The following PRH1 variants were observed in gnomAD, a reference collection of about 807,000 sequenced individuals.
The protein encoded by PRH1 is proline rich protein HaeIII subfamily 1, also known as salivary acidic proline-rich phosphoprotein 1/2.
A neutral mutation model predicts 7.9 loss-of-function variants in PRH1; 7 were observed. That is an observed-to-expected ratio of 0.89 (90% CI 0.50 to 1.67). The LOEUF (loss-of-function observed/expected upper bound fraction) is 1.67. Ranked by LOEUF, PRH1 falls within the 40% of genes most tolerant of loss-of-function variation. The pLI is 0.00. For missense variants in PRH1, 109 were observed against 223.6 expected, an observed-to-expected ratio of 0.49 and a Z score of 3.27; for synonymous variants, 45 against 80.8, an observed-to-expected ratio of 0.56 and a Z score of 2.38.
chr12:11,030,953 A>C lies in PRH1; in HGVS notation c.-126+16067T>G, dbSNP rs770193456. ...AGGCCCCAACAGCATCACCAGAATGACACTCTTAACTCTCCTCTTTAAGTG... is the reference window on the plus strand; with the variant it reads ...AGGCCCCAACAGCATCACCAGAATGCCACTCTTAACTCTCCTCTTTAAGTG... On this transcript the variant is annotated intron_variant, in intron 1 of 3. Coordinates refer to the PRH1 transcript ENST00000539853. The C allele has an allele frequency of 1.5e-5, 24 of 1,614,296 alleles. No homozygotes were observed. The South Asian group carries it at 2.6e-4, about 18-fold the overall frequency.
At chr12:10,963,434 A>G (rs898157278) in intron 2 of PRH1, among the ~76,000 whole-genome samples, 2 of 152,240 alleles carry the variant, frequency 1.3e-5, no homozygotes, top group African/African-American at 4.8e-5. Flanking sequence ...TACTATTTTT[A>G]CATGGAGTAT....
chr12:11,166,580 GCCTGTCC>G (rs1305118051), intron 1 of PRH1, among the ~76,000 whole-genome samples: 2 of 152,132 alleles, frequency 1.3e-5, no homozygotes, highest in African/African-American at 4.8e-5. Context: ...TAGTTTTCTT[GCCTGTCC>G]CCTAGCACTG....
intron 2 of PRH1, among the ~76,000 whole-genome samples, chr12:10,905,612 G>A (rs912545568): frequency 2.6e-5 from 4 of 152,048 alleles, no homozygotes; most frequent in Non-Finnish European, 2.9e-5. Context: ...GCAGCAGTGA[G>A]CTGAGATCAT....
At chr12:10,924,590 T>C (rs1183131485) in intron 2 of PRH1, among the ~76,000 whole-genome samples, 1 of 152,230 alleles carries the variant, frequency 6.6e-6, no homozygotes, top group African/African-American at 2.4e-5. Context: ...CAGCTCCTCC[T>C]TGTAACTCTG....
At chr12:11,070,776 GGT>G (rs1944029376) in intron 1 of PRH1, among the ~76,000 whole-genome samples, 1 of 151,496 alleles carries the variant, frequency 6.6e-6, no homozygotes, top group Admixed American at 6.6e-5. Context: ...AAGACACTGT[GGT>G]CCATGAGATG....
chr12:11,166,638 T>C (rs1947592757), intron 1 of PRH1, among the ~76,000 whole-genome samples: 1 of 152,234 alleles, frequency 6.6e-6, no homozygotes, highest in African/African-American at 2.4e-5. Context: ...CCAGTGTAAA[T>C]GGGCTTCTCC....
intron 1 of PRH1, among the ~76,000 whole-genome samples, chr12:10,981,365 ATTTTTTTTTTTT>A (rs528019045): frequency 1.8e-5 from 2 of 111,590 alleles, no homozygotes; most frequent in African/African-American, 3.4e-5. Flanking sequence ...TTACTTCTGG[ATTTTTTTTTTTT>A]TTTTTTTTTT....
intron 1 of PRH1, among the ~76,000 whole-genome samples, chr12:10,988,243 T>C (rs1358344610): frequency 6.6e-6 from 1 of 152,134 alleles, no homozygotes; most frequent in African/African-American, 2.4e-5. Context: ...AGGGTTTCTC[T>C]AGTAGAAAAA....
In PRH1 at chr12:11,087,648, C is replaced by G. The variant is rs1291846791; in HGVS notation, n.124-40460G>C. Among the ~76,000 whole-genome samples the G allele has an allele frequency of 2.6e-5, 3 of 117,018 alleles. 1 individual carries two copies. Among genetic ancestry groups the G allele is most frequent in the African/African-American group, 8.6e-5 (3 of 34,898 alleles). The allele number at this position is 117,018 out of a possible 152,430, so 76.8% of individuals were successfully genotyped here. ...ATGTACAAAATATAATAACCGCATT[C>G]CCTAAGGAATGGAACTGGTCACTGC... On this transcript the variant is annotated intron_variant and non_coding_transcript_variant, in intron 1 of 4. Transcript: ENST00000541977.
intron 1 of PRH1, among the ~76,000 whole-genome samples, chr12:11,135,045 C>T (rs2597923): frequency 0.46 from 69,181 of 151,874 alleles, 16,557 homozygotes; most frequent in Non-Finnish European, 0.53. Flanking sequence ...TTTCAGCCCA[C>T]GAATAATGTT....
chr12:10,958,561 C>G (rs953561257), intron 2 of PRH1, among the ~76,000 whole-genome samples: 13 of 151,000 alleles, frequency 8.6e-5, no homozygotes, highest in Non-Finnish European at 4.4e-5. Flanking sequence ...AAAATAAAAG[C>G]TAAAAAAAGA....
At chr12:11,127,161 C>G (rs1946160456) in intron 1 of PRH1, among the ~76,000 whole-genome samples, 1 of 152,274 alleles carries the variant, frequency 6.6e-6, no homozygotes, top group Admixed American at 6.5e-5. Flanking sequence ...GGATAATTTC[C>G]AAAACAGCTC....
At chr12:10,979,540 C>T (rs1308130309) in intron 1 of PRH1, among the ~76,000 whole-genome samples, 5 of 152,110 alleles carry the variant, frequency 3.3e-5, no homozygotes, top group Non-Finnish European at 7.4e-5. Flanking sequence ...TATAGGACTT[C>T]GTAAGGATTT....
chr12:10,905,014 T>TAAAAAA (rs35998107), intron 2 of PRH1, among the ~76,000 whole-genome samples: 1 of 146,422 alleles, frequency 6.8e-6, no homozygotes, highest in Non-Finnish European at 1.5e-5. Context: ...ATCAAAAAGT[T>TAAAAAA]AAAAAAAAAA....
At chr12:11,153,413 T>G (rs574748603) in intron 1 of PRH1, among the ~76,000 whole-genome samples, 16 of 152,332 alleles carry the variant, frequency 1.1e-4, no homozygotes, top group Middle Eastern at 6.8e-3. Context: ...ACTTCACAAC[T>G]TCCTGTGTTA....
chr12:10,900,746 G>A (rs1236621765), intron 2 of PRH1, among the ~76,000 whole-genome samples: 2 of 152,170 alleles, frequency 1.3e-5, no homozygotes, highest in African/African-American at 4.8e-5. Context: ...AGAAATCTGG[G>A]CATTTGGATC....
At chr12:11,044,702 G>C (rs1418283632) in intron 1 of PRH1, among the ~76,000 whole-genome samples, 1 of 151,942 alleles carries the variant, frequency 6.6e-6, no homozygotes, top group Non-Finnish European at 1.5e-5. Flanking sequence ...AAGGTGAAAA[G>C]GTGCTCAACA....
intron 2 of PRH1, among the ~76,000 whole-genome samples, chr12:10,948,770 A>G (rs184951082): frequency 0.02 from 3,006 of 152,240 alleles, 34 homozygotes; most frequent in African/African-American, 0.031. Context: ...AGTGTATATT[A>G]GGCACAGTAA....
At chr12:10,887,525 CTTT>C (rs35193707), upstream of PRH1, among the ~76,000 whole-genome samples, 2 of 139,148 alleles carry the variant, frequency 1.4e-5, no homozygotes, top group African/African-American at 5.3e-5. Context: ...TAGCATATTT[CTTT>C]TTTTTTTTTT....
Sources: gnomAD v4.1 joint callset for allele counts (sites outside exome capture counted in the v4.1 genomes callset) on GRCh38, gnomAD v4.1.1 for gene constraint, MANE v1.5 for transcripts, NCBI Gene and HGNC (gene_info 2026-07-23, HGNC 2026-07-21) for gene names.